The following MGAM variants were observed in gnomAD, a reference collection of about 807,000 sequenced individuals.
MGAM encodes alpha-1,4-glucosidase.
MGAM carries 253 observed loss-of-function variants against 358.8 expected under a neutral mutation model. The observed-to-expected ratio is 0.71, with a 90% CI of 0.64 to 0.78. MGAM has a LOEUF of 0.78. MGAM is among the 30% of genes least tolerant of loss of function. MGAM has a pLI of 0.00. For missense variants in MGAM, 3,080 were observed against 3,432.6 expected, an observed-to-expected ratio of 0.90 and a Z score of 2.57; for synonymous variants, 1,105 against 1,227.1, an observed-to-expected ratio of 0.90 and a Z score of 2.08.
intron 2 of MGAM, among the ~76,000 whole-genome samples, chr7:141,990,867 A>G (rs1803914902): frequency 6.6e-6 from 1 of 151,438 alleles, no homozygotes; most frequent in Non-Finnish European, 1.5e-5. Flanking sequence ...TCCCACTTCC[A>G]CCCAGCTATG....
chr7:142,008,509 CAG>C lies in MGAM; in HGVS notation c.133_134del (p.Asp45SerfsTer26), dbSNP rs781980027. On this transcript the variant is annotated frameshift_variant, in exon 3 of 71. Transcript: ENST00000475668. LOFTEE classifies it high-confidence loss of function. ...TTTATGTTTGCTTTTGGTATAGCCCCAGATCCTGGGACAACTGGTACCCCAGA... is the reference window on the plus strand; with the variant it reads ...TTTATGTTTGCTTTTGGTATAGCCCCATCCTGGGACAACTGGTACCCCAGA... 1 of 1,608,410 alleles carries C rather than the reference CAG, an allele frequency of 6.2e-7. No individual in the cohort carries two copies. Among genetic ancestry groups the C allele is most frequent in the Non-Finnish European group, 8.5e-7 (1 of 1,177,204 alleles).
intron 22 of MGAM, among the ~76,000 whole-genome samples, chr7:142,048,169 T>C (rs1810578509): frequency 7.0e-6 from 1 of 142,760 alleles, no homozygotes; most frequent in African/African-American, 2.6e-5. Context: ...ATTTATTTAT[T>C]GAGGTGGAGT....
intron 17 of MGAM, 150 bp from the exon 18 acceptor site, chr7:142,036,673 C>T: frequency 1.3e-6 from 1 of 753,386 alleles, no homozygotes; most frequent in Admixed American, 2.5e-5. Context: ...AGGAGAGACA[C>T]TTGGTACTAC....
At chr7:142,055,913 C>A in intron 28 of MGAM, 87 bp from the exon 29 acceptor site, 1 of 1,467,130 alleles carries the variant, frequency 6.8e-7, no homozygotes, top group Non-Finnish European at 9.3e-7. Context: ...AAAACTAGAG[C>A]CATGTTAGCA....
At chr7:142,050,024 A>G (rs28559920) in intron 22 of MGAM, among the ~76,000 whole-genome samples, 10,707 of 152,292 alleles carry the variant, frequency 0.07, 1,241 homozygotes, top group African/African-American at 0.24. Flanking sequence ...TATGTGCAAC[A>G]ACCAAGATAT....
rs916580485 is a variant in MGAM, at chr7:142,106,734, G to A, written c.*843G>A. 1 of 152,184 alleles carries A rather than the reference G, an allele frequency of 6.6e-6. No homozygotes were observed. The highest frequency in any genetic ancestry group is 6.5e-5 in the Admixed American group (1 of 15,272). The allele number at this position is 152,184 out of a possible 1,614,324, so 9.4% of individuals were successfully genotyped here. ...TATGCCAGATAAAAATAAAACAAGT[G>A]AATTTGCAAGTGATTTTGAATTTTG... On this transcript the variant is annotated 3_prime_UTR_variant, in exon 71 of 71. Transcript: ENST00000475668.
chr7:142,038,356 G>A (rs1808183399), intron 18 of MGAM, among the ~76,000 whole-genome samples, 175 bp from the exon 19 acceptor site: 1 of 152,164 alleles, frequency 6.6e-6, no homozygotes, highest in Admixed American at 6.6e-5. Context: ...ATGAGCTGGG[G>A]AAGGGGAATC....
intron 17 of MGAM, 128 bp downstream of exon 17, chr7:142,036,413 A>G (rs2129008072): frequency 5.7e-6 from 4 of 706,212 alleles, no homozygotes; most frequent in East Asian, 2.7e-5. Context: ...AATTTGCACT[A>G]TCATGTGCAA....
rs1396665810 is a variant in MGAM at position 142,040,565 on chromosome 7, T to G, written c.2374-157T>G. 8 of 958,680 alleles carry G rather than the reference T, an allele frequency of 8.3e-6. No individual in the cohort carries two copies. In the South Asian group the frequency reaches 1.1e-4, roughly 14 times the overall value. The allele number at this position is 958,680 out of a possible 1,614,324, so 59.4% of individuals were successfully genotyped here. On this transcript the variant is annotated intron_variant, in intron 20 of 70. Transcript: ENST00000475668. ...CCCCAACTGGTAGCAGAACATGTTA[T>G]TCTTGATTTTTTTCCTTCTGTTGTT...
At position 142,048,120 on chromosome 7, in the gene MGAM, TTTATTTA is replaced by T. The variant is rs1810566308; in HGVS notation, c.2587+250_2587+256del. Among the ~76,000 whole-genome samples, 7 of 2,890 alleles carry T rather than the reference TTTATTTA, an allele frequency of 2.4e-3. 1 individual carries two copies. In the South Asian group the frequency reaches 0.15, roughly 60 times the overall value. 1.9% of individuals were successfully genotyped at this position (2,890 alleles called of 152,430 possible). A position where few individuals can be genotyped will look rare whatever the true frequency, so the allele number is the denominator to read the frequency against. On this transcript the variant is annotated intron_variant, in intron 22 of 70. Transcript: ENST00000475668. ...AGTGATATCTATAATAGGCTTTTTA[TTTATTTA>T]TTTATTTATTTATTTATTTATTTAT...
Position 142,054,761 on chromosome 7 carries a change from A to G in MGAM, c.3167A>G (p.Asp1056Gly). 6.2e-7 allele frequency: 1 copy of G among 1,613,820 alleles called. No individual in the cohort carries two copies. The highest frequency in any genetic ancestry group is 8.5e-7 in the Non-Finnish European group (1 of 1,179,790). ...TGATTTCCTCTGGCCTAGATTTATGATCCCAACAAGAATCGGTATGAAGTT... is the reference window on the plus strand; with the variant it reads ...TGATTTCCTCTGGCCTAGATTTATGGTCCCAACAAGAATCGGTATGAAGTT... ...KNEMLQFKIY[D>G]PNKNRYEVPV... The change falls in exon 27 of 71, where the codon GAT (aspartate) becomes GGT (glycine). Residue 1056 changes from aspartate (D) to glycine (G), a missense_variant. Around this residue, in one of 5 missense-constraint regions of MGAM, gnomAD observed 1,816 missense variants for 1,840.5 expected, o/e 0.99. Coordinates refer to ENST00000475668, the MANE Select transcript of MGAM (RefSeq NM_001365693.1).
At chr7:141,999,222 T>C (rs1195657803) in intron 1 of MGAM, among the ~76,000 whole-genome samples, 4 of 152,160 alleles carry the variant, frequency 2.6e-5, no homozygotes, top group African/African-American at 7.2e-5. Flanking sequence ...TCCAGAGATG[T>C]AGTTTAGATA....
At chr7:142,060,216 C>T in intron 33 of MGAM, 95 bp from the exon 34 acceptor site, 1 of 1,516,704 alleles carries the variant, frequency 6.6e-7, no homozygotes, top group Non-Finnish European at 9.1e-7. Context: ...AGTATTATTG[C>T]TCCTAGGAGC....
Position 142,050,569 on chromosome 7 carries a change from A to G in MGAM, c.2638-128A>G, listed in dbSNP as rs545175136. On this transcript the variant is annotated intron_variant, in intron 23 of 70. Transcript: ENST00000475668. Reference sequence around the variant, plus strand: ...ATGTTGTACTTCTTCAGCACACACTAGTAGAGAAAGCAGAGAGGCATTTAT... The same window carrying G: ...ATGTTGTACTTCTTCAGCACACACTGGTAGAGAAAGCAGAGAGGCATTTAT... The G allele has an allele frequency of 3.1e-5, 31 of 997,900 alleles. No homozygotes were observed. In the South Asian group the frequency reaches 4.1e-4, roughly 13 times the overall value. 61.8% of individuals were successfully genotyped at this position (997,900 alleles called of 1,614,324 possible).
At chr7:141,995,060 A>C (rs935690799), upstream of MGAM, among the ~76,000 whole-genome samples, 5 of 152,176 alleles carry the variant, frequency 3.3e-5, no homozygotes, top group African/African-American at 1.2e-4. Context: ...ATGGCAGGAC[A>C]TTGTTTATGC....
intron 3 of MGAM, among the ~76,000 whole-genome samples, chr7:142,017,712 G>A (rs2128992443): frequency 2.0e-5 from 3 of 152,094 alleles, no homozygotes; most frequent in African/African-American, 2.4e-5. Context: ...CTGATCTTAC[G>A]GCAGTATAAA....
chr7:142,022,508 T>TA (rs1806559831), intron 7 of MGAM, 69 bp downstream of exon 7: 1 of 1,490,586 alleles, frequency 6.7e-7, no homozygotes, highest in South Asian at 1.3e-5. Context: ...CCTCTAGTAT[T>TA]ACAGTGTAGT....
chr7:142,100,631 T>C (rs1449832435), intron 67 of MGAM, among the ~76,000 whole-genome samples, 171 bp from the exon 68 acceptor site: 2 of 152,216 alleles, frequency 1.3e-5, no homozygotes, highest in Non-Finnish European at 2.9e-5. Flanking sequence ...TATGAAGTCA[T>C]AGAGCCAGAC....
At position 142,074,149 on chromosome 7, in the gene MGAM, T is replaced by C; in HGVS notation, c.5251T>C (p.Phe1751Leu). ...DENKEAKGEL[F>L]WDDGQTKDTV... Reference sequence around the variant, plus strand: ...AAACAAAGAAGCAAAAGGAGAACTTTTCTGGGATGATGGGCAAACAAAGGG... The same window carrying C: ...AAACAAAGAAGCAAAAGGAGAACTTCTCTGGGATGATGGGCAAACAAAGGG... Residue 1751 changes from phenylalanine (F) to leucine (L), a missense_variant, in exon 45 of 71, where the codon TTC becomes CTC. Physicochemically the swap from Phe to Leu is conservative, Grantham distance 22 (BLOSUM62 0). Transcript: ENST00000475668. The C allele has an allele frequency of 6.5e-7, 1 of 1,542,928 alleles. No individual in the cohort carries two copies. The highest frequency in any genetic ancestry group is 8.9e-7 in the Non-Finnish European group (1 of 1,125,838).
Sources: gnomAD v4.1 joint callset for allele counts (sites outside exome capture counted in the v4.1 genomes callset) on GRCh38, gnomAD v4.1.1 for gene constraint, gnomAD v4.1.1 regional missense constraint, MANE v1.5 for transcripts, NCBI Gene and HGNC (gene_info 2026-07-23, HGNC 2026-07-21) for gene names.